The following TNIK variants were observed in gnomAD, a reference collection of about 807,000 sequenced individuals.
The protein encoded by TNIK is TRAF2 and NCK-interacting protein kinase.
TNIK carries 49 observed loss-of-function variants against 191.3 expected under a neutral mutation model. The observed-to-expected ratio is 0.26, with a 90% CI of 0.20 to 0.32. The LOEUF is 0.32. Among genes scored for constraint, TNIK ranks in the 10% least tolerant of loss-of-function variants. The probability of loss-of-function intolerance (pLI) is 1.00; values close to 1 mark genes in which losing one functional copy is unlikely to be tolerated. For missense variants in TNIK, 1,155 were observed against 1,702.3 expected (o/e 0.68, Z 5.66); for synonymous variants, 594 against 600.9 (o/e 0.99, Z 0.17).
intron 10 of TNIK, among the ~76,000 whole-genome samples, chr3:171,161,677 G>A (rs1200058084): frequency 1.3e-5 from 2 of 152,140 alleles, no homozygotes. Context: ...CCAGCACTTT[G>A]GGAGGCTGAG....
At chr3:171,215,505 C>T (rs1050358440) in intron 3 of TNIK, among the ~76,000 whole-genome samples, 4 of 152,164 alleles carry the variant, frequency 2.6e-5, no homozygotes, top group Admixed American at 1.3e-4. Flanking sequence ...AGATTCAAGA[C>T]CAGATTTCTC....
intron 19 of TNIK, among the ~76,000 whole-genome samples, chr3:171,110,177 G>C (rs1234906605): frequency 6.6e-6 from 1 of 152,208 alleles, no homozygotes; most frequent in East Asian, 1.9e-4. Context: ...TAAGTGCTGG[G>C]ATTACAGGCG....
rs768311619 is a variant in TNIK at position 171,175,347 on chromosome 3, C to T, written c.695-17G>A. On this transcript the variant is annotated splice_polypyrimidine_tract_variant and intron_variant, in intron 8 of 32. Transcript: ENST00000436636. Reference sequence around the variant, plus strand: ...CACAGAGAGCTGCAAGAGACCAAAACAAGGGCCAGCTACAGTTAGGAGGCC... The same window carrying T: ...CACAGAGAGCTGCAAGAGACCAAAATAAGGGCCAGCTACAGTTAGGAGGCC... 40 of 1,598,728 alleles carry T rather than the reference C, an allele frequency of 2.5e-5. 1 individual carries two copies. The Middle Eastern group carries it at 8.3e-4, about 33-fold the overall frequency.
At chr3:171,271,361 G>A (rs1366793153) in intron 2 of TNIK, among the ~76,000 whole-genome samples, 3 of 151,752 alleles carry the variant, frequency 2.0e-5, no homozygotes, top group African/African-American at 7.2e-5. Flanking sequence ...CCCCTGCCTG[G>A]TACCGAGACT....
chr3:171,147,038 C>T (rs1731715368), intron 12 of TNIK, among the ~76,000 whole-genome samples: 1 of 152,122 alleles, frequency 6.6e-6, no homozygotes, highest in East Asian at 1.9e-4. Context: ...GGTTATGCTA[C>T]ATTGCAAAGC....
At chr3:171,313,042 G>C (rs1429171065) in intron 2 of TNIK, among the ~76,000 whole-genome samples, 1 of 151,848 alleles carries the variant, frequency 6.6e-6, no homozygotes, top group Admixed American at 6.6e-5. Context: ...TACATCAGGG[G>C]AATCACTTTG....
At chr3:171,173,395 C>CAA (rs57114753) in intron 9 of TNIK, among the ~76,000 whole-genome samples, 9 of 120,670 alleles carry the variant, frequency 7.5e-5, no homozygotes, top group African/African-American at 1.2e-4. Context: ...GACTCCGTCT[C>CAA]AAAAAAAAAA....
intron 2 of TNIK, among the ~76,000 whole-genome samples, chr3:171,301,180 C>T (rs1752830517): frequency 6.6e-6 from 1 of 151,756 alleles, no homozygotes; most frequent in African/African-American, 2.4e-5. Flanking sequence ...TGATGTGATG[C>T]AACAAGAAGG....
chr3:171,114,751 G>T (rs1726412751), intron 18 of TNIK, among the ~76,000 whole-genome samples: 1 of 152,074 alleles, frequency 6.6e-6, no homozygotes, highest in Admixed American at 6.6e-5. Context: ...GTAAACTTAA[G>T]AAAAACTTCC....
At chr3:171,273,954 G>GTT (rs1749425872) in intron 2 of TNIK, among the ~76,000 whole-genome samples, 2 of 152,176 alleles carry the variant, frequency 1.3e-5, no homozygotes, top group South Asian at 2.1e-4. Context: ...TTTCCTAAGA[G>GTT]ATTAAGCACT....
intron 6 of TNIK, among the ~76,000 whole-genome samples, chr3:171,189,738 T>C (rs1737804066): frequency 2.0e-5 from 3 of 152,216 alleles, no homozygotes; most frequent in African/African-American, 4.8e-5. Flanking sequence ...GCCTGGCATA[T>C]AATATATACT....
At chr3:171,386,343 C>T (rs1718728237) in intron 1 of TNIK, among the ~76,000 whole-genome samples, 1 of 152,122 alleles carries the variant, frequency 6.6e-6, no homozygotes, top group South Asian at 2.1e-4. Context: ...TTTTGGAAAG[C>T]CTATTTTCCA....
intron 9 of TNIK, among the ~76,000 whole-genome samples, chr3:171,168,835 C>T (rs1387290346): frequency 6.6e-6 from 1 of 152,234 alleles, no homozygotes; most frequent in Admixed American, 6.5e-5. Context: ...ATCATGAGCA[C>T]ACTACCTGAG....
At chr3:171,261,112 T>G (rs1201502792) in intron 2 of TNIK, among the ~76,000 whole-genome samples, 1 of 152,114 alleles carries the variant, frequency 6.6e-6, no homozygotes, top group Non-Finnish European at 1.5e-5. Flanking sequence ...AGGATTGAGG[T>G]CCTCTGCCTG....
intron 1 of TNIK, among the ~76,000 whole-genome samples, chr3:171,384,585 G>A (rs569049136): frequency 2.6e-5 from 4 of 152,294 alleles, no homozygotes; most frequent in East Asian, 1.9e-4. Flanking sequence ...AACATCCAAC[G>A]GGGAGTCTAA....
At chr3:171,457,277 G>A (rs931854687) in intron 1 of TNIK, among the ~76,000 whole-genome samples, 1 of 152,174 alleles carries the variant, frequency 6.6e-6, no homozygotes, top group South Asian at 2.1e-4. Flanking sequence ...GACTGGGTCC[G>A]GTCTGGAATC....
chr3:171,228,218 G>A lies in TNIK; in HGVS notation c.127C>T (p.Arg43Cys), dbSNP rs748740290. Residue 43 changes from arginine (R) to cysteine (C), a missense_variant, in exon 3 of 33, where the codon CGT (arginine) becomes TGT (cysteine). By Grantham distance (180) the Arg-to-Cys change is radical (BLOSUM62 -3). Around this residue, in one of 3 missense-constraint regions of TNIK, gnomAD observed 225 missense variants for 438.9 expected, o/e 0.51. Coordinates refer to ENST00000436636, the MANE Select transcript of TNIK (RefSeq NM_015028.4). Reference sequence around the variant, plus strand: ...GCAAGCTGGCCCGTTTTGACATGACGACCCTGTGAAGAAAAAATAATAACA... The same window carrying A: ...GCAAGCTGGCCCGTTTTGACATGACAACCCTGTGAAGAAAAAATAATAACA... Reference protein sequence around the residue: ...NGTYGQVYKGRHVKTGQLAAI... With the variant: ...NGTYGQVYKGCHVKTGQLAAI... 3.5e-5 allele frequency: 57 copies of A among 1,613,262 alleles called. No individual in the cohort carries two copies. The highest frequency in any genetic ancestry group is 4.6e-5 in the Non-Finnish European group (54 of 1,179,548).
At chr3:171,080,208 G>C (rs1720490957) in intron 27 of TNIK, among the ~76,000 whole-genome samples, 1 of 152,048 alleles carries the variant, frequency 6.6e-6, no homozygotes, top group South Asian at 2.1e-4. Flanking sequence ...ATTTCCGTTT[G>C]GTAAAGTGAT....
At chr3:171,355,196 A>G (rs1331560010) in intron 2 of TNIK, among the ~76,000 whole-genome samples, 1 of 152,156 alleles carries the variant, frequency 6.6e-6, no homozygotes, top group East Asian at 1.9e-4. Context: ...CCCATCCTAC[A>G]GCAGACCATG....
Sources: gnomAD v4.1 joint callset for allele counts (sites outside exome capture counted in the v4.1 genomes callset) on GRCh38, gnomAD v4.1.1 for gene constraint, gnomAD v4.1.1 regional missense constraint, MANE v1.5 for transcripts, NCBI Gene and HGNC (gene_info 2026-07-23, HGNC 2026-07-21) for gene names.